Variants in SGCZ observed in about 807,000 individuals in gnomAD.
SGCZ encodes the protein sarcoglycan zeta, also known as zeta-sarcoglycan.
A neutral mutation model predicts 41.3 loss-of-function variants in SGCZ; 40 were observed. That is an observed-to-expected ratio of 0.97 (90% CI 0.75 to 1.26). The LOEUF is 1.26. SGCZ is among the 50% of genes most tolerant of loss of function. SGCZ has a pLI of 0.00. For missense variants in SGCZ, 552 were observed against 369.8 expected (o/e 1.49, Z -4.04); for synonymous variants, 206 against 137.5 (o/e 1.50, Z -3.49).
intron 1 of SGCZ, among the ~76,000 whole-genome samples, chr8:15,135,613 T>C (rs1257363034): frequency 6.6e-6 from 1 of 152,186 alleles, no homozygotes; most frequent in African/African-American, 2.4e-5. Flanking sequence ...CTTCTACAAA[T>C]TCTGGAGGCT....
At chr8:14,563,608 C>T (rs921594819) in intron 1 of SGCZ, among the ~76,000 whole-genome samples, 1 of 152,058 alleles carries the variant, frequency 6.6e-6, no homozygotes, top group African/African-American at 2.4e-5. Context: ...TCTTTATAAC[C>T]CTGTAAGTGT....
chr8:14,834,648 C>T (rs773279829), intron 1 of SGCZ, among the ~76,000 whole-genome samples: 15 of 152,094 alleles, frequency 9.9e-5, no homozygotes, highest in Non-Finnish European at 1.6e-4. Flanking sequence ...CACTTTGGAG[C>T]GGAAGTGTAT....
At chr8:14,822,109 C>CACACAT (rs3220314) in intron 1 of SGCZ, among the ~76,000 whole-genome samples, 2 of 149,394 alleles carry the variant, frequency 1.3e-5, no homozygotes, top group African/African-American at 4.9e-5. Flanking sequence ...CACACACACA[C>CACACAT]GGTTAGAACT....
intron 1 of SGCZ, among the ~76,000 whole-genome samples, chr8:15,143,071 G>T (rs1375756077): frequency 1.3e-5 from 2 of 152,070 alleles, no homozygotes; most frequent in Non-Finnish European, 1.5e-5. Context: ...CAGTTGCTAA[G>T]GAACCAAATT....
intron 2 of SGCZ, among the ~76,000 whole-genome samples, chr8:14,536,210 G>A (rs1563393804): frequency 6.6e-6 from 1 of 151,778 alleles, no homozygotes; most frequent in Admixed American, 6.6e-5. Context: ...TACATTTCCA[G>A]ACAAGGATGC....
intron 4 of SGCZ, among the ~76,000 whole-genome samples, chr8:14,219,910 G>A (rs556769565): frequency 1.3e-5 from 2 of 152,128 alleles, no homozygotes; most frequent in Admixed American, 6.5e-5. Flanking sequence ...CTTTTCAAGA[G>A]TTCTTTGAAT....
chr8:14,531,550 G>C (rs2117126412), intron 2 of SGCZ, among the ~76,000 whole-genome samples: 1 of 152,160 alleles, frequency 6.6e-6, no homozygotes, highest in South Asian at 2.1e-4. Context: ...TTTCCCAGTA[G>C]GTGGCAGTCC....
intron 3 of SGCZ, among the ~76,000 whole-genome samples, chr8:14,277,617 C>G (rs1298899948): frequency 1.3e-5 from 2 of 152,048 alleles, no homozygotes; most frequent in South Asian, 2.1e-4. Flanking sequence ...AAGAAAAAAG[C>G]AACACAAGTA....
intron 2 of SGCZ, among the ~76,000 whole-genome samples, chr8:14,411,211 C>T (rs1390597399): frequency 6.6e-6 from 1 of 152,200 alleles, no homozygotes; most frequent in African/African-American, 2.4e-5. Context: ...AGCATGTTCT[C>T]TCCTTAGAAA....
intron 2 of SGCZ, among the ~76,000 whole-genome samples, chr8:14,356,660 C>G (rs551129372): frequency 2.0e-5 from 3 of 151,694 alleles, no homozygotes; most frequent in African/African-American, 7.3e-5. Context: ...ATGAAGCAAA[C>G]CAACTCAAGG....
At chr8:14,983,100 A>C (rs1269895270) in intron 1 of SGCZ, among the ~76,000 whole-genome samples, 1 of 152,150 alleles carries the variant, frequency 6.6e-6, no homozygotes, top group Non-Finnish European at 1.5e-5. Context: ...AATACATGTT[A>C]ATAAGATTTT....
chr8:14,289,098 T>G (rs1800751271), intron 3 of SGCZ, among the ~76,000 whole-genome samples: 1 of 152,158 alleles, frequency 6.6e-6, no homozygotes, highest in African/African-American at 2.4e-5. Context: ...GTATTCACGT[T>G]ATTTGTACAT....
chr8:14,758,851 A>G (rs1173474149), intron 1 of SGCZ, among the ~76,000 whole-genome samples: 1 of 152,084 alleles, frequency 6.6e-6, no homozygotes, highest in Non-Finnish European at 1.5e-5. Context: ...TCTACTAAAA[A>G]TACAAAATTA....
chr8:14,915,556 C>T (rs1221829816), intron 1 of SGCZ, among the ~76,000 whole-genome samples: 1 of 152,066 alleles, frequency 6.6e-6, no homozygotes, highest in African/African-American at 2.4e-5. Flanking sequence ...TCTTTGTCAG[C>T]CACGTGTAGA....
intron 1 of SGCZ, among the ~76,000 whole-genome samples, chr8:15,020,942 C>G (rs1803226292): frequency 6.6e-6 from 1 of 152,112 alleles, no homozygotes; most frequent in African/African-American, 2.4e-5. Flanking sequence ...GGAAATGAAT[C>G]TACATTTTTA....
intron 4 of SGCZ, among the ~76,000 whole-genome samples, chr8:14,201,495 A>C (rs990831112): frequency 2.0e-5 from 3 of 152,176 alleles, no homozygotes; most frequent in Non-Finnish European, 4.4e-5. Context: ...ATAAATTCAA[A>C]TCCATTGTGC....
chr8:15,157,330 C>A (rs563678475), intron 1 of SGCZ, among the ~76,000 whole-genome samples: 13 of 152,030 alleles, frequency 8.6e-5, no homozygotes, highest in African/African-American at 2.4e-4. Flanking sequence ...CCCAGGAGCC[C>A]AGGAGTGAGC....
chr8:14,231,367 T>C (rs539472112), intron 4 of SGCZ, among the ~76,000 whole-genome samples: 3 of 151,982 alleles, frequency 2.0e-5, no homozygotes, highest in East Asian at 3.9e-4. Flanking sequence ...TCAGCCTTTT[T>C]TAAGGAATTT....
chr8:15,005,503 G>A (rs980258699), intron 1 of SGCZ, among the ~76,000 whole-genome samples: 2 of 151,804 alleles, frequency 1.3e-5, no homozygotes, highest in Non-Finnish European at 2.9e-5. Flanking sequence ...AGCTAATTTT[G>A]TATTTTCAGT....
Sources: allele counts gnomAD v4.1 joint callset (sites outside exome capture counted in the v4.1 genomes callset), GRCh38; gene constraint gnomAD v4.1.1; transcripts MANE v1.5; gene names NCBI Gene and HGNC (gene_info 2026-07-23, HGNC 2026-07-21).